The following CDC25A variants were observed in gnomAD, a reference collection of about 807,000 sequenced individuals.
CDC25A encodes the protein M-phase inducer phosphatase 1.
CDC25A carries 17 observed loss-of-function variants against 64.6 expected under a neutral mutation model. The ratio of observed to expected loss-of-function variants is 0.26; its 90% CI spans 0.18 to 0.39. CDC25A has a LOEUF of 0.39. CDC25A is among the 10% of genes least tolerant of loss of function. CDC25A has a pLI of 1.00. For synonymous variants in CDC25A, 229 were observed against 238.6 expected (o/e 0.96, Z 0.37); for missense variants, 473 against 654.8 (o/e 0.72, Z 3.03).
At chr3:48,169,694 T>C (rs933845612) in intron 9 of CDC25A, among the ~76,000 whole-genome samples, 2 of 152,196 alleles carry the variant, frequency 1.3e-5, no homozygotes, top group Non-Finnish European at 2.9e-5. Context: ...CCAGACTGGA[T>C]ATTTGACATT....
At chr3:48,161,815 C>T (rs1162310731) in intron 13 of CDC25A, among the ~76,000 whole-genome samples, 1 of 152,056 alleles carries the variant, frequency 6.6e-6, no homozygotes, top group Non-Finnish European at 1.5e-5. Context: ...AATCCCAGCA[C>T]TTTGGGAGGC....
chr3:48,173,779 C>T (rs1036004752), intron 9 of CDC25A, among the ~76,000 whole-genome samples: 2 of 152,154 alleles, frequency 1.3e-5, no homozygotes, highest in African/African-American at 4.8e-5. Context: ...TTTACATAGA[C>T]CGGAGACTCA....
chr3:48,180,745 C>A lies in CDC25A; in HGVS notation c.525G>T (p.Arg175Ser), dbSNP rs553480894. 8 of 1,614,056 alleles carry A rather than the reference C, an allele frequency of 5.0e-6. No individual in the cohort carries two copies. The highest frequency in any genetic ancestry group is 6.8e-6 in the Non-Finnish European group (8 of 1,180,030). ...LQEGKDLFTQ[R>S]QNSAPARMLS... ...CCATCCGAGCTGGGGCAGAGTTCTG[C>A]CTCTGTGTGAAGAGATCTTTACCCT... Residue 175 changes from arginine to serine, a missense_variant, in exon 6 of 15, where the codon AGG becomes AGT. Arg to Ser is a moderately radical substitution (Grantham distance 110). Around this residue, in one of 2 missense-constraint regions of CDC25A, gnomAD observed 376 missense variants for 431.9 expected, o/e 0.87. Coordinates refer to ENST00000302506, the MANE Select transcript of CDC25A (RefSeq NM_001789.3).
rs2032784387 is a variant in CDC25A at position 48,184,637 on chromosome 3, A to AG, written c.290+15dup. The AG allele has an allele frequency of 6.4e-7, 1 of 1,563,088 alleles. No homozygotes were observed. Among genetic ancestry groups the AG allele is most frequent in the Non-Finnish European group, 8.7e-7 (1 of 1,147,116 alleles). On this transcript the variant is annotated intron_variant, in intron 3 of 14. Transcript: ENST00000302506. ...TTTTTTCTACATATAAACATTTGAAAGCAGTGAATACATACTTTTCTTTAC... is the reference window on the plus strand; with the variant it reads ...TTTTTTCTACATATAAACATTTGAAAGGCAGTGAATACATACTTTTCTTTAC...
intron 9 of CDC25A, 141 bp from the exon 10 acceptor site, chr3:48,168,085 T>C: frequency 1.8e-6 from 1 of 567,682 alleles, no homozygotes; most frequent in Admixed American, 3.0e-5. Context: ...TTATTGAATC[T>C]GGAGTGAACA....
At chr3:48,173,826 T>C (rs1476669193) in intron 9 of CDC25A, among the ~76,000 whole-genome samples, 1 of 152,170 alleles carries the variant, frequency 6.6e-6, no homozygotes, top group Admixed American at 6.5e-5. Context: ...TCACCGGTCA[T>C]ACCAAGAACC....
intron 12 of CDC25A, 119 bp from the exon 13 acceptor site, chr3:48,164,556 T>C: frequency 2.0e-6 from 2 of 1,008,124 alleles, no homozygotes; most frequent in Non-Finnish European, 2.7e-6. Flanking sequence ...TTTGTGATTT[T>C]TGCAGTTCTT....
rs2031880562 is a variant in CDC25A, at chr3:48,163,569, AC to A, written c.1322+737del. Among the ~76,000 whole-genome samples the A allele has an allele frequency of 5.3e-5, 8 of 152,196 alleles. No homozygotes were observed. In the South Asian group the frequency reaches 1.7e-3, roughly 32 times the overall value. ...CAGTGAGAAGAGATTGTGCCACTGC[AC>A]TCCAGCCTGGGCAACAAGAGCAAAA... On this transcript the variant is annotated intron_variant, in intron 13 of 14. Coordinates refer to ENST00000302506, the MANE Select transcript of CDC25A (RefSeq NM_001789.3).
chr3:48,186,928 A>C, intron 1 of CDC25A, 149 bp from the exon 2 acceptor site: 7 of 581,282 alleles, frequency 1.2e-5, no homozygotes, highest in Admixed American at 5.8e-5. Context: ...CCACTTTGCC[A>C]CTCTGAACAC....
At position 48,165,107 on chromosome 3, in the gene CDC25A, C is replaced by CAAAAAAAAAAAAAAAA. The variant is rs11370901; in HGVS notation, c.1191+513_1191+528dup. Among the ~76,000 whole-genome samples the CAAAAAAAAAAAAAAAA allele has an allele frequency of 2.6e-4, 22 of 84,960 alleles. 1 individual carries two copies. Among genetic ancestry groups the CAAAAAAAAAAAAAAAA allele is most frequent in the African/African-American group, 7.2e-4 (16 of 22,290 alleles). The allele number at this position is 84,960 out of a possible 152,430, so 55.7% of individuals were successfully genotyped here. A position where few individuals can be genotyped will look rare whatever the true frequency, so the allele number is the denominator to read the frequency against. The stretch of plus-strand genomic sequence containing the variant: ...CCTGGCGACAGAGCGGACTCTGTCT[C>CAAAAAAAAAAAAAAAA]AAAAAAAAAAAAAAAAAAAGATTAA... On this transcript the variant is annotated intron_variant, in intron 12 of 14. Transcript: ENST00000302506.
chr3:48,177,613 A>T (rs554593039), intron 7 of CDC25A, among the ~76,000 whole-genome samples, 171 bp from the exon 8 acceptor site: 1 of 152,280 alleles, frequency 6.6e-6, no homozygotes, highest in South Asian at 2.1e-4. Context: ...ATAGATTGTT[A>T]GTTAGCTCCT....
intron 9 of CDC25A, among the ~76,000 whole-genome samples, chr3:48,168,167 TTTCC>T (rs1489575904): frequency 2.0e-5 from 3 of 148,504 alleles, no homozygotes; most frequent in African/African-American, 7.5e-5. Flanking sequence ...GAAACTAAGT[TTTCC>T]TTCCTTCCTT....
rs11370901 is a variant in CDC25A, at chr3:48,165,107, C to CAAAAAAA, written c.1191+522_1191+528dup. Among the ~76,000 whole-genome samples, 12 of 84,958 alleles carry CAAAAAAA rather than the reference C, an allele frequency of 1.4e-4. 1 individual carries two copies. Among genetic ancestry groups the CAAAAAAA allele is most frequent in the African/African-American group, 3.1e-4 (7 of 22,286 alleles). 55.7% of individuals were successfully genotyped at this position (84,958 alleles called of 152,430 possible). A position where few individuals can be genotyped will look rare whatever the true frequency, so the allele number is the denominator to read the frequency against. On this transcript the variant is annotated intron_variant, in intron 12 of 14. Coordinates refer to ENST00000302506, the MANE Select transcript of CDC25A (RefSeq NM_001789.3). ...CCTGGCGACAGAGCGGACTCTGTCT[C>CAAAAAAA]AAAAAAAAAAAAAAAAAAAGATTAA... is the stretch of plus-strand genomic sequence containing the variant.
rs11370901 is a variant in CDC25A, at chr3:48,165,107, CA to C, written c.1191+528del. On this transcript the variant is annotated intron_variant, in intron 12 of 14. Coordinates refer to ENST00000302506, the MANE Select transcript of CDC25A (RefSeq NM_001789.3). ...CCTGGCGACAGAGCGGACTCTGTCT[CA>C]AAAAAAAAAAAAAAAAAAGATTAAA... Among the ~76,000 whole-genome samples, 153 of 84,948 alleles carry C rather than the reference CA, an allele frequency of 1.8e-3. 2 individuals are homozygous for C. Among genetic ancestry groups the C allele is most frequent in the African/African-American group, 4.9e-3 (110 of 22,286 alleles). 55.7% of individuals were successfully genotyped at this position (84,948 alleles called of 152,430 possible). A position where few individuals can be genotyped will look rare whatever the true frequency, so the allele number is the denominator to read the frequency against.
At chr3:48,176,948 G>A (rs1272817886) in intron 8 of CDC25A, among the ~76,000 whole-genome samples, 1 of 150,456 alleles carries the variant, frequency 6.6e-6, no homozygotes, top group African/African-American at 2.4e-5. Context: ...TCTAGAATGG[G>A]CAACAAGAGC....
chr3:48,167,785 TG>T, intron 10 of CDC25A, 60 bp downstream of exon 10: 1 of 898,180 alleles, frequency 1.1e-6, no homozygotes, highest in Non-Finnish European at 1.9e-6. Flanking sequence ...ACAGGCTGAG[TG>T]GGATTCTAAA....
At position 48,186,718 on chromosome 3, in the gene CDC25A, C is replaced by G. The variant is rs1396873792; in HGVS notation, c.232G>C (p.Glu78Gln). Residue 78 changes from glutamate (E) to glutamine (Q), a missense_variant, in exon 2 of 15, where the codon GAG becomes CAG. This residue lies in a region of CDC25A where 376 missense variants were observed against 431.9 expected (regional missense o/e 0.87). Transcript: ENST00000302506. ...NSNLQRMGSS[E>Q]STDSGFCLDS... The stretch of plus-strand genomic sequence containing the variant: ...ACTTAAATACCTGAATCTGTTGACT[C>G]GGAGGAGCCCATTCTCTGCAGATTA... The G allele has an allele frequency of 1.3e-6, 2 of 1,598,474 alleles. No homozygotes were observed. The highest frequency in any genetic ancestry group is 1.7e-6 in the Non-Finnish European group (2 of 1,169,266).
At position 48,177,339 on chromosome 3, in the gene CDC25A, G is replaced by A. The variant is rs368979184; in HGVS notation, c.756+32C>T. Reference sequence around the variant, plus strand: ...CTCTGTCCAGTGCCCCAATCACGCAGGGCTTCCTCCAGACACACTAGAACA... The same window carrying A: ...CTCTGTCCAGTGCCCCAATCACGCAAGGCTTCCTCCAGACACACTAGAACA... On this transcript the variant is annotated intron_variant, in intron 8 of 14. Coordinates refer to ENST00000302506, the MANE Select transcript of CDC25A (RefSeq NM_001789.3). The A allele has an allele frequency of 6.4e-6, 10 of 1,556,892 alleles. No homozygotes were observed. The African/African-American group carries it at 8.1e-5, about 13-fold the overall frequency.
chr3:48,186,675 T>G, intron 2 of CDC25A, 28 bp downstream of exon 2: 3 of 1,427,312 alleles, frequency 2.1e-6, no homozygotes, highest in Non-Finnish European at 2.9e-6. Flanking sequence ...ATTCAGAGTA[T>G]TGCTCCCCAC....
Sources: gnomAD v4.1 joint callset for allele counts (sites outside exome capture counted in the v4.1 genomes callset) on GRCh38, gnomAD v4.1.1 for gene constraint, gnomAD v4.1.1 regional missense constraint, MANE v1.5 for transcripts, NCBI Gene and HGNC (gene_info 2026-07-23, HGNC 2026-07-21) for gene names.